PER2: variants seen among roughly 807,000 people sequenced by gnomAD.
PER2 encodes the protein period circadian protein homolog 2.
PER2 carries 66 observed loss-of-function variants against 121.0 expected under a neutral mutation model. That is an observed-to-expected ratio of 0.55 (90% CI 0.45 to 0.67). PER2 has a LOEUF of 0.67. Among genes scored for constraint, PER2 ranks in the 30% least tolerant of loss-of-function variants. The probability of loss-of-function intolerance (pLI) is 0.00; values close to 1 mark genes in which losing one functional copy is unlikely to be tolerated. For missense variants in PER2, 1,521 were observed against 1,635.0 expected, an observed-to-expected ratio of 0.93 and a Z score of 1.20; for synonymous variants, 684 against 659.9, an observed-to-expected ratio of 1.04 and a Z score of -0.56.
At chr2:238,289,388 C>G (rs558698068), upstream of PER2, 1 of 152,252 alleles carries the variant, frequency 6.6e-6, no homozygotes. Flanking sequence ...CACGCCCACC[C>G]GGGCCTCTGA....
Position 238,258,511 on chromosome 2 carries a change from C to G in PER2, c.1761G>C (p.Leu587Phe), listed in dbSNP as rs1385180549. The change falls in exon 15 of 23, where the codon TTG (leucine) becomes TTC (phenylalanine). Residue 587 changes from leucine (L) to phenylalanine (F), a missense_variant. Transcript: ENST00000254657. ...PTCSYQQISCLDSVIRYLESC... is the reference protein window; with the variant it reads ...PTCSYQQISCFDSVIRYLESC... The stretch of plus-strand genomic sequence containing the variant: ...TGCCGGCATACCTGATGACGCTGTC[C>G]AAGCAGCTGATCTGCTGGTAGGAGC... 1 of 1,614,076 alleles carries G rather than the reference C, an allele frequency of 6.2e-7. No individual in the cohort carries two copies. Among genetic ancestry groups the G allele is most frequent in the Non-Finnish European group, 8.5e-7 (1 of 1,180,040 alleles).
At chr2:238,278,437 A>C (rs1396064106) in intron 1 of PER2, among the ~76,000 whole-genome samples, 2 of 152,176 alleles carry the variant, frequency 1.3e-5, no homozygotes, top group Non-Finnish European at 2.9e-5. Context: ...TCTTATTGAC[A>C]AGAGCTCCTA....
intron 6 of PER2, among the ~76,000 whole-genome samples, chr2:238,270,164 G>T (rs1389651929): frequency 1.3e-5 from 2 of 152,226 alleles, no homozygotes; most frequent in Non-Finnish European, 2.9e-5. Flanking sequence ...GTGTGCAGAG[G>T]CCTGGCCACA....
chr2:238,276,834 TACG>T (rs1187646240), intron 3 of PER2, among the ~76,000 whole-genome samples: 1 of 152,138 alleles, frequency 6.6e-6, no homozygotes, highest in East Asian at 1.9e-4. Context: ...TACAAACACC[TACG>T]AAGGGTGAAG....
At chr2:238,274,514 A>G (rs926748924) in intron 4 of PER2, among the ~76,000 whole-genome samples, 4 of 152,246 alleles carry the variant, frequency 2.6e-5, no homozygotes, top group African/African-American at 4.8e-5. Flanking sequence ...AAACTGCTGG[A>G]AAGTGTGGAA....
intron 9 of PER2, among the ~76,000 whole-genome samples, chr2:238,265,168 T>TA (rs1428250427): frequency 1.3e-5 from 2 of 152,202 alleles, no homozygotes; most frequent in Admixed American, 6.5e-5. Context: ...GGCTGGAAGA[T>TA]AGACTTCTGC....
At position 238,253,982 on chromosome 2, in the gene PER2, TATG is replaced by T. The variant is rs1695687936; in HGVS notation, c.2321-283_2321-281del. Among the ~76,000 whole-genome samples, 1 of 152,244 alleles carries T rather than the reference TATG, an allele frequency of 6.6e-6. No homozygotes were observed. The highest frequency in any genetic ancestry group is 6.5e-5 in the Admixed American group (1 of 15,282). Reference sequence around the variant, plus strand: ...TGTCCTTTCTTTTATGAAATGCTAATATGATAAGTGGTAATACAAAGTTCTATT... The same window carrying T: ...TGTCCTTTCTTTTATGAAATGCTAATATAAGTGGTAATACAAAGTTCTATT... On this transcript the variant is annotated intron_variant, in intron 18 of 22. Transcript: ENST00000254657. The surrounding 1 kb of genome is among the most constrained non-coding windows in gnomAD (Gnocchi z 5.6).
intron 5 of PER2, among the ~76,000 whole-genome samples, chr2:238,272,267 G>C (rs1282129003): frequency 6.6e-6 from 1 of 152,202 alleles, no homozygotes; most frequent in Non-Finnish European, 1.5e-5. Context: ...TCTTGGACAT[G>C]GCACCTGGTG....
rs377351011 is a variant in PER2 at position 238,263,257 on chromosome 2, G to A, written c.1047-199C>T. On this transcript the variant is annotated intron_variant, in intron 9 of 22. Coordinates refer to ENST00000254657, the MANE Select transcript of PER2 (RefSeq NM_022817.3). ...CAAACGAAGGTTCACTGTCCAGGAC[G>A]CTGAAGGAGGCTCCCTCTGCTGGGG... Among the ~76,000 whole-genome samples, 23 of 148,030 alleles carry A rather than the reference G, an allele frequency of 1.6e-4. 1 individual carries two copies. The East Asian group carries it at 3.8e-3, about 25-fold the overall frequency.
intron 1 of PER2, 63 bp from the exon 2 acceptor site, chr2:238,278,018 T>C: frequency 6.4e-7 from 1 of 1,550,606 alleles, no homozygotes; most frequent in Non-Finnish European, 8.7e-7. Context: ...GCTGCAGCCA[T>C]CAGGTAGAGC....
At chr2:238,259,265 C>T (rs77574632) in intron 14 of PER2, among the ~76,000 whole-genome samples, 1,800 of 152,312 alleles carry the variant, frequency 0.012, 38 homozygotes, top group African/African-American at 0.04. Flanking sequence ...CGGGAGGCTT[C>T]GGCCTGAGCA....
upstream of PER2, among the ~76,000 whole-genome samples, chr2:238,294,152 T>C (rs1451529131): frequency 1.3e-5 from 2 of 152,308 alleles, no homozygotes; most frequent in East Asian, 3.9e-4. Flanking sequence ...CTCTCATCGG[T>C]CAGGGTGTCA....
At chr2:238,261,003 A>C (rs1350647532) in intron 12 of PER2, 50 bp from the exon 13 acceptor site, 5 of 1,595,848 alleles carry the variant, frequency 3.1e-6, no homozygotes, top group Non-Finnish European at 3.4e-6. Context: ...CTGCTGAGCT[A>C]TGCATGTGGC....
chr2:238,280,357 C>T (rs769484075), intron 1 of PER2, among the ~76,000 whole-genome samples: 3 of 152,190 alleles, frequency 2.0e-5, no homozygotes, highest in Admixed American at 6.5e-5. Context: ...GACTAGACCT[C>T]GCCTTGTTCA....
At chr2:238,255,616 A>T in intron 18 of PER2, 41 bp downstream of exon 18, 1 of 1,608,264 alleles carries the variant, frequency 6.2e-7, no homozygotes, top group Non-Finnish European at 8.5e-7. Context: ...CAACAGGAAT[A>T]AAGTTTTTTA....
chr2:238,245,344 C>G lies in PER2; in HGVS notation c.*1031G>C. 1 of 379,178 alleles carries G rather than the reference C, an allele frequency of 2.6e-6. No homozygotes were observed. The highest frequency in any genetic ancestry group is 4.7e-6 in the Non-Finnish European group (1 of 214,056). The allele number at this position is 379,178 out of a possible 1,614,324, so 23.5% of individuals were successfully genotyped here. On this transcript the variant is annotated 3_prime_UTR_variant, in exon 23 of 23. Coordinates refer to ENST00000254657, the MANE Select transcript of PER2 (RefSeq NM_022817.3). Reference sequence around the variant, plus strand: ...GCTCATGAAAAGAATGAGGGCTGTGCACCCAACCCAGGGTGCAGTGGGAGA... The same window carrying G: ...GCTCATGAAAAGAATGAGGGCTGTGGACCCAACCCAGGGTGCAGTGGGAGA...
rs564166894 is a variant in PER2, at chr2:238,257,182, C to T, written c.1901-96G>A. ...CCCAAGTGCCCATACAGCTTCCACA[C>T]CAGGGTGCACACAACCCATCCCATC... is the stretch of plus-strand genomic sequence containing the variant. On this transcript the variant is annotated intron_variant, in intron 16 of 22. Coordinates refer to ENST00000254657, the MANE Select transcript of PER2 (RefSeq NM_022817.3). 1.6e-5 allele frequency: 18 copies of T among 1,105,364 alleles called. No homozygotes were observed. The South Asian group carries it at 2.5e-4, about 15-fold the overall frequency. 68.5% of individuals were successfully genotyped at this position (1,105,364 alleles called of 1,614,324 possible).
At chr2:238,266,774 G>A (rs181372026) in intron 8 of PER2, among the ~76,000 whole-genome samples, 72 of 152,178 alleles carry the variant, frequency 4.7e-4, no homozygotes, top group Non-Finnish European at 9.4e-4. Flanking sequence ...GCGGTGGCTC[G>A]CGCCTGTAAT....
At chr2:238,284,117 T>C (rs938833282) in intron 1 of PER2, among the ~76,000 whole-genome samples, 1 of 152,150 alleles carries the variant, frequency 6.6e-6, no homozygotes, top group Non-Finnish European at 1.5e-5. Context: ...ATCTGGAATG[T>C]AATATTAGCT....
Sources: allele counts gnomAD v4.1 joint callset (sites outside exome capture counted in the v4.1 genomes callset), GRCh38; gene constraint gnomAD v4.1.1; non-coding constraint Gnocchi (gnomAD v3.1); transcripts MANE v1.5; gene names NCBI Gene and HGNC (gene_info 2026-07-23, HGNC 2026-07-21).